SRGAP1: variants seen among roughly 807,000 people sequenced by gnomAD.
The protein encoded by SRGAP1 is SLIT-ROBO Rho GTPase-activating protein 1.
A neutral mutation model predicts 121.9 loss-of-function variants in SRGAP1; 43 were observed. The ratio of observed to expected loss-of-function variants is 0.35; its 90% CI spans 0.28 to 0.46. The LOEUF (loss-of-function observed/expected upper bound fraction) is 0.46, where lower values mean the gene tolerates loss of function less well. Ranked by LOEUF, SRGAP1 falls within the 20% of genes least tolerant of loss-of-function variation. SRGAP1 has a pLI of 1.00. For missense variants in SRGAP1, 1,102 were observed against 1,350.9 expected (o/e 0.82, Z 2.89); for synonymous variants, 447 against 485.4 (o/e 0.92, Z 1.04).
At chr12:64,119,770 C>CTTTTTTTTTTTTTTTTTTTTTT (rs997729181) in intron 18 of SRGAP1, among the ~76,000 whole-genome samples, 1 of 107,458 alleles carries the variant, frequency 9.3e-6, no homozygotes, top group Non-Finnish European at 2.0e-5. Context: ...TTATTTGTTT[C>CTTTTTTTTTTTTTTTTTTTTTT]TTTTTTTTTT....
intron 4 of SRGAP1, among the ~76,000 whole-genome samples, chr12:64,021,126 C>T (rs2034540392): frequency 6.6e-6 from 1 of 152,082 alleles, no homozygotes; most frequent in African/African-American, 2.4e-5. Context: ...TTCGTGGCAA[C>T]AGAATGGAAA....
chr12:64,002,463 A>G (rs894568475), intron 3 of SRGAP1, among the ~76,000 whole-genome samples: 1 of 152,346 alleles, frequency 6.6e-6, no homozygotes, highest in Admixed American at 6.5e-5. Flanking sequence ...TAAAGCCCCA[A>G]CTTTCCAGTT....
At chr12:63,925,444 A>T (rs2031222617) in intron 1 of SRGAP1, among the ~76,000 whole-genome samples, 1 of 152,220 alleles carries the variant, frequency 6.6e-6, no homozygotes, top group East Asian at 1.9e-4. Flanking sequence ...TCATTATTAA[A>T]ATTATGCCGA....
chr12:63,877,907 C>A (rs1197482744), intron 1 of SRGAP1, among the ~76,000 whole-genome samples: 2 of 152,196 alleles, frequency 1.3e-5, no homozygotes, highest in African/African-American at 4.8e-5. Flanking sequence ...TTACCTGGAG[C>A]CAATGATGAT....
In SRGAP1 at chr12:64,155,463, G is replaced by C. The variant is rs1336275627; in HGVS notation, c.*12791G>C. Reference sequence around the variant, plus strand: ...GGAGGCTGAGGCAGGAGAATTGCTTGAACCAGGGAGGTGGAGGTTGCAGTG... The same window carrying C: ...GGAGGCTGAGGCAGGAGAATTGCTTCAACCAGGGAGGTGGAGGTTGCAGTG... On this transcript the variant is annotated 3_prime_UTR_variant, in exon 22 of 22. Transcript: ENST00000355086. 1 of 151,306 alleles carries C rather than the reference G, an allele frequency of 6.6e-6. No homozygotes were observed. Among genetic ancestry groups the C allele is most frequent in the Non-Finnish European group, 1.5e-5 (1 of 67,952 alleles). The allele number at this position is 151,306 out of a possible 1,614,324, so 9.4% of individuals were successfully genotyped here.
Position 64,146,175 on chromosome 12 carries a change from C to T in SRGAP1, c.*3503C>T, listed in dbSNP as rs1170509125. ...CTTTGTAGAGCTCCATGTTCACGTT[C>T]AGTGTCAACACCATTCAACAGCTTT... is the stretch of plus-strand genomic sequence containing the variant. On this transcript the variant is annotated 3_prime_UTR_variant, in exon 22 of 22. Transcript: ENST00000355086. 1 of 152,204 alleles carries T rather than the reference C, an allele frequency of 6.6e-6. No individual in the cohort carries two copies. Among genetic ancestry groups the T allele is most frequent in the East Asian group, 1.9e-4 (1 of 5,180 alleles). 9.4% of individuals were successfully genotyped at this position (152,204 alleles called of 1,614,324 possible). A position where few individuals can be genotyped will look rare whatever the true frequency, so the allele number is the denominator to read the frequency against.
intron 11 of SRGAP1, among the ~76,000 whole-genome samples, chr12:64,087,894 GCTA>G (rs1254288232): frequency 6.6e-6 from 1 of 152,124 alleles, no homozygotes; most frequent in East Asian, 1.9e-4. Context: ...GGATTGTGAA[GCTA>G]CTACAAGAAA....
intron 15 of SRGAP1, among the ~76,000 whole-genome samples, chr12:64,100,517 A>G (rs562535480): frequency 3.9e-5 from 6 of 152,346 alleles, no homozygotes; most frequent in African/African-American, 1.4e-4. Flanking sequence ...ATCAAAATCA[A>G]TGGATTCATA....
chr12:63,942,873 A>G (rs545009176), intron 1 of SRGAP1, among the ~76,000 whole-genome samples: 13 of 152,350 alleles, frequency 8.5e-5, no homozygotes, highest in African/African-American at 3.1e-4. Context: ...CACTAAATAT[A>G]TAGATAGGTT....
chr12:63,965,092 T>C (rs1030007147), intron 1 of SRGAP1, among the ~76,000 whole-genome samples: 5 of 152,142 alleles, frequency 3.3e-5, no homozygotes, highest in Non-Finnish European at 7.3e-5. Flanking sequence ...ATCTGCAAAA[T>C]AGGAATGTTC....
chr12:63,928,097 T>G (rs1012807389), intron 1 of SRGAP1, among the ~76,000 whole-genome samples: 2 of 152,142 alleles, frequency 1.3e-5, no homozygotes, highest in Admixed American at 1.3e-4. Context: ...ATGATGGTGT[T>G]GAGGTTGTCT....
intron 1 of SRGAP1, among the ~76,000 whole-genome samples, chr12:63,924,381 C>A (rs2136330495): frequency 6.6e-6 from 1 of 152,082 alleles, no homozygotes; most frequent in African/African-American, 2.4e-5. Context: ...CTCCATTGAC[C>A]CAGAATAAAG....
chr12:63,908,745 A>G (rs2030348071), intron 1 of SRGAP1, among the ~76,000 whole-genome samples: 4 of 152,124 alleles, frequency 2.6e-5, no homozygotes, highest in Admixed American at 1.3e-4. Context: ...TTGCTGCATA[A>G]TACTGTAAAT....
chr12:64,068,473 T>A (rs1264610545), intron 8 of SRGAP1, among the ~76,000 whole-genome samples: 1 of 150,528 alleles, frequency 6.6e-6, no homozygotes, highest in Non-Finnish European at 1.5e-5. Context: ...TAGCTGGGAC[T>A]ACAAGTGTTA....
chr12:63,857,035 ATC>A (rs1303935940), intron 1 of SRGAP1, among the ~76,000 whole-genome samples: 2 of 149,806 alleles, frequency 1.3e-5, no homozygotes, highest in Admixed American at 6.7e-5. Flanking sequence ...TGTTCATGAG[ATC>A]TCTTTCAAGA....
intron 1 of SRGAP1, among the ~76,000 whole-genome samples, chr12:63,910,249 T>C (rs1346173120): frequency 1.3e-5 from 2 of 152,242 alleles, no homozygotes; most frequent in Admixed American, 1.3e-4. Flanking sequence ...TTGAGAGTTA[T>C]AATTTTGGCA....
At chr12:64,040,869 T>C (rs114548507) in intron 4 of SRGAP1, among the ~76,000 whole-genome samples, 310 of 152,304 alleles carry the variant, frequency 2.0e-3, no homozygotes, top group African/African-American at 6.6e-3. Flanking sequence ...TTACTAAGTC[T>C]CAAAAATGTG....
At chr12:63,909,109 T>C (rs1023230285) in intron 1 of SRGAP1, among the ~76,000 whole-genome samples, 8 of 152,032 alleles carry the variant, frequency 5.3e-5, no homozygotes, top group Non-Finnish European at 1.2e-4. Context: ...AGGATGGTCC[T>C]GATCTCTTGA....
At chr12:63,858,077 TTA>T (rs1899314657) in intron 1 of SRGAP1, among the ~76,000 whole-genome samples, 1 of 152,184 alleles carries the variant, frequency 6.6e-6, no homozygotes. Flanking sequence ...TCTGTTGATA[TTA>T]TGTTTTTTCT....
Sources: allele counts gnomAD v4.1 joint callset (sites outside exome capture counted in the v4.1 genomes callset), GRCh38; gene constraint gnomAD v4.1.1; transcripts MANE v1.5; gene names NCBI Gene and HGNC (gene_info 2026-07-23, HGNC 2026-07-21).